C11orf97: variants seen among roughly 807,000 people sequenced by gnomAD.
C11orf97 encodes uncharacterized protein C11orf97.
C11orf97 carries 15 observed loss-of-function variants against 16.2 expected under a neutral mutation model. The ratio of observed to expected loss-of-function variants is 0.93; its 90% CI spans 0.62 to 1.43. The LOEUF (loss-of-function observed/expected upper bound fraction) is 1.43. Among genes scored for constraint, C11orf97 ranks in the 40% most tolerant of loss-of-function variants. The pLI is 0.00. For synonymous variants in C11orf97, 61 were observed against 65.7 expected (o/e 0.93, Z 0.34); for missense variants, 171 against 161.2 (o/e 1.06, Z -0.33).
intron 2 of C11orf97, among the ~76,000 whole-genome samples, chr11:94,518,119 G>A (rs1255277992): frequency 1.4e-5 from 2 of 144,554 alleles, no homozygotes; most frequent in Non-Finnish European, 3.0e-5. Context: ...CTGTACCCCA[G>A]CCTGGGTGAC....
chr11:94,512,631 C>A lies in C11orf97; in HGVS notation c.103C>A (p.Arg35Ser). 8.0e-7 allele frequency: 1 copy of A among 1,255,162 alleles called. No individual in the cohort carries two copies. The allele number at this position is 1,255,162 out of a possible 1,614,324, so 77.8% of individuals were successfully genotyped here. A position where few individuals can be genotyped will look rare whatever the true frequency, so the allele number is the denominator to read the frequency against. Residue 35 changes from arginine (R) to serine (S), a missense_variant, in exon 1 of 4, where the codon CGC becomes AGC. By Grantham distance (110) the Arg-to-Ser change is moderately radical (BLOSUM62 -1). Transcript: ENST00000542198. The part of the protein sequence containing the change: ...PPPAGLGCGA[R>S]GEPGRGPLEH... ...GCCAGCAGGGCTGGGGTGCGGGGCG[C>A]GCGGGGAACCCGGCCGCGGCCCCCT...
At chr11:94,524,808 C>T (rs1366252978) in intron 2 of C11orf97, among the ~76,000 whole-genome samples, 8 of 151,926 alleles carry the variant, frequency 5.3e-5, no homozygotes, top group Admixed American at 5.2e-4. Context: ...CCTGTAATCC[C>T]AACACTTTGG....
At chr11:94,518,497 CA>C (rs1197739132) in intron 2 of C11orf97, among the ~76,000 whole-genome samples, 1 of 152,164 alleles carries the variant, frequency 6.6e-6, no homozygotes, top group Non-Finnish European at 1.5e-5. Context: ...ATCACTGACT[CA>C]GCAGAACCTA....
At chr11:94,531,756 T>C (rs1461825326) in intron 3 of C11orf97, 140 bp from the exon 4 acceptor site, 1 of 595,036 alleles carries the variant, frequency 1.7e-6, no homozygotes, top group Non-Finnish European at 2.6e-6. Context: ...TTCTGGTTAC[T>C]GGGATGACAT....
At chr11:94,531,555 T>A (rs992201894) in intron 3 of C11orf97, among the ~76,000 whole-genome samples, 1 of 146,676 alleles carries the variant, frequency 6.8e-6, no homozygotes, top group Non-Finnish European at 1.5e-5. Context: ...AAAAGCATTG[T>A]CTAGTCTGGT....
In C11orf97 at chr11:94,512,502, C is replaced by G; in HGVS notation, c.-27C>G. ...GACTGAGCTGAGAAGGAAACCGTGC[C>G]CAGGGCTCTCGGAAGACCGCTGCGG... is the stretch of plus-strand genomic sequence containing the variant. On this transcript the variant is annotated 5_prime_UTR_variant, in exon 1 of 4. Coordinates refer to ENST00000542198, the MANE Select transcript of C11orf97 (RefSeq NM_001190462.2). The G allele has an allele frequency of 7.8e-7, 1 of 1,278,474 alleles. No individual in the cohort carries two copies. Among genetic ancestry groups the G allele is most frequent in the Non-Finnish European group, 9.9e-7 (1 of 1,012,600 alleles). 79.2% of individuals were successfully genotyped at this position (1,278,474 alleles called of 1,614,324 possible).
In C11orf97 at chr11:94,512,512, C is replaced by G; in HGVS notation, c.-17C>G. The stretch of plus-strand genomic sequence containing the variant: ...AGAAGGAAACCGTGCCCAGGGCTCT[C>G]GGAAGACCGCTGCGGCATGACAGGC... On this transcript the variant is annotated 5_prime_UTR_variant, in exon 1 of 4. Coordinates refer to ENST00000542198, the MANE Select transcript of C11orf97 (RefSeq NM_001190462.2). 1 of 1,292,458 alleles carries G rather than the reference C, an allele frequency of 7.7e-7. No individual in the cohort carries two copies. The highest frequency in any genetic ancestry group is 3.1e-5 in the East Asian group (1 of 32,294). The allele number at this position is 1,292,458 out of a possible 1,614,324, so 80.1% of individuals were successfully genotyped here. A position where few individuals can be genotyped will look rare whatever the true frequency, so the allele number is the denominator to read the frequency against.
intron 1 of C11orf97, among the ~76,000 whole-genome samples, chr11:94,514,937 G>C (rs570526370): frequency 2.6e-5 from 4 of 152,008 alleles, no homozygotes; most frequent in Non-Finnish European, 5.9e-5. Context: ...GAGCCACCGC[G>C]CCTGGCCAAT....
intron 2 of C11orf97, among the ~76,000 whole-genome samples, chr11:94,519,514 T>C (rs571044): frequency 0.49 from 73,901 of 152,042 alleles, 18,916 homozygotes; most frequent in Non-Finnish European, 0.57. Flanking sequence ...ATACACTAGC[T>C]GTATGTTGTA....
At chr11:94,513,566 G>A (rs185464290) in intron 1 of C11orf97, among the ~76,000 whole-genome samples, 75 of 152,266 alleles carry the variant, frequency 4.9e-4, no homozygotes, top group Non-Finnish European at 1.0e-4. Flanking sequence ...CAGGAGGGAG[G>A]GTTGGGCTGA....
At chr11:94,525,129 T>C (rs1269054662) in intron 2 of C11orf97, among the ~76,000 whole-genome samples, 2 of 150,494 alleles carry the variant, frequency 1.3e-5, no homozygotes, top group Non-Finnish European at 3.0e-5. Flanking sequence ...ATTATGGAAA[T>C]AGTGCATTTA....
intron 3 of C11orf97, 98 bp from the exon 4 acceptor site, chr11:94,531,798 T>C (rs369374104): frequency 2.7e-4 from 268 of 1,007,550 alleles, no homozygotes; most frequent in Non-Finnish European, 3.4e-4. Flanking sequence ...CTCAATCAAA[T>C]GGGAACATTA....
chr11:94,512,938 G>A (rs1947581298), intron 1 of C11orf97, among the ~76,000 whole-genome samples: 1 of 119,260 alleles, frequency 8.4e-6, no homozygotes, highest in African/African-American at 3.5e-5. Flanking sequence ...TATTCTGAAA[G>A]GAATTAACAC....
intron 1 of C11orf97, among the ~76,000 whole-genome samples, chr11:94,515,731 G>A (rs961024071): frequency 3.4e-5 from 5 of 147,350 alleles, no homozygotes; most frequent in African/African-American, 1.3e-4. Context: ...CTGCCTGAAA[G>A]TTCTGCCCCC....
chr11:94,528,631 A>G (rs1397869414), intron 3 of C11orf97, among the ~76,000 whole-genome samples: 1 of 152,190 alleles, frequency 6.6e-6, no homozygotes, highest in Non-Finnish European at 1.5e-5. Context: ...TGGCTCTCTT[A>G]GTTTCACCCT....
At chr11:94,512,820 G>A (rs1947580481) in intron 1 of C11orf97, 147 bp downstream of exon 1, 2 of 873,362 alleles carry the variant, frequency 2.3e-6, no homozygotes, top group African/African-American at 3.5e-5. Context: ...AACCAGAGAT[G>A]ATGGCACTGT....
intron 3 of C11orf97, among the ~76,000 whole-genome samples, chr11:94,531,050 T>C (rs964109599): frequency 6.6e-6 from 1 of 152,222 alleles, no homozygotes; most frequent in Non-Finnish European, 1.5e-5. Flanking sequence ...TTCCAACATA[T>C]AATACACATC....
chr11:94,522,725 C>T (rs1947669079), intron 2 of C11orf97, among the ~76,000 whole-genome samples: 1 of 152,184 alleles, frequency 6.6e-6, no homozygotes, highest in African/African-American at 2.4e-5. Context: ...TAGTTTGGCT[C>T]AAGATCCCAA....
chr11:94,517,909 G>A (rs1947624369), intron 2 of C11orf97, among the ~76,000 whole-genome samples: 1 of 152,160 alleles, frequency 6.6e-6, no homozygotes, highest in Non-Finnish European at 1.5e-5. Context: ...CAGCACTTTG[G>A]GAGGCCGAGG....
Sources: gnomAD v4.1 joint callset for allele counts (sites outside exome capture counted in the v4.1 genomes callset) on GRCh38, gnomAD v4.1.1 for gene constraint, MANE v1.5 for transcripts, NCBI Gene and HGNC (gene_info 2026-07-23, HGNC 2026-07-21) for gene names.